The following CACNA1B variants were observed in gnomAD, a reference collection of about 807,000 sequenced individuals.
CACNA1B encodes the protein voltage-dependent N-type calcium channel subunit alpha-1B.
Under a neutral mutation model 247.2 loss-of-function variants are expected in CACNA1B, and 70 were observed. The ratio of observed to expected loss-of-function variants is 0.28; its 90% confidence interval spans 0.23 to 0.35. CACNA1B has a LOEUF of 0.35. CACNA1B is among the 10% of genes least tolerant of loss of function. The pLI, the probability that CACNA1B is intolerant of heterozygous loss-of-function variation, is 1.00. For synonymous variants in CACNA1B, 1,231 were observed against 1,294.4 expected (o/e 0.95, Z 1.05); for missense variants, 2,367 against 3,197.4 (o/e 0.74, Z 6.26).
At position 137,913,166 on chromosome 9, in the gene CACNA1B, C is replaced by T. The variant is rs1957376409; in HGVS notation, c.531-14C>T. 2.5e-6 allele frequency: 4 copies of T among 1,611,076 alleles called. No homozygotes were observed. Among genetic ancestry groups the T allele is most frequent in the Non-Finnish European group, 3.4e-6 (4 of 1,177,486 alleles). ...GGAAACCTTTACTTCCCTTCTTCTC[C>T]TTGTTTCTGCCAGGATCCTTGCCAC... On this transcript the variant is annotated splice_polypyrimidine_tract_variant and intron_variant, in intron 3 of 46. Transcript: ENST00000371372. The surrounding 1 kb of genome is among the most constrained non-coding windows in gnomAD (Gnocchi z 5.2).
chr9:138,023,410 C>A lies in CACNA1B; in HGVS notation c.2667C>A (p.His889Gln), dbSNP rs1435527311. The change falls in exon 19 of 47, where the codon CAC becomes CAA. Residue 889 changes from histidine (H) to glutamine (Q), a missense_variant. Physicochemically the swap from His to Gln is conservative, Grantham distance 24. Transcript: ENST00000371372. Reference sequence around the variant, plus strand: ...CCCGGGAGGAGCGGCCGCGGCCGCACCGCAGCCACAGCAAGGAGGCCGCGG... The same window carrying A: ...CCCGGGAGGAGCGGCCGCGGCCGCAACGCAGCCACAGCAAGGAGGCCGCGG... ...PGAREERPRP[H>Q]RSHSKEAAGP... 5.3e-6 allele frequency: 7 copies of A among 1,327,288 alleles called. No homozygotes were observed. The highest frequency in any genetic ancestry group is 4.1e-5 in the Admixed American group (1 of 24,454). The allele number at this position is 1,327,288 out of a possible 1,614,324, so 82.2% of individuals were successfully genotyped here. A position where few individuals can be genotyped will look rare whatever the true frequency, so the allele number is the denominator to read the frequency against.
chr9:138,039,358 T>G (rs1959088224), intron 20 of CACNA1B, among the ~76,000 whole-genome samples: 1 of 152,202 alleles, frequency 6.6e-6, no homozygotes, highest in South Asian at 2.1e-4. Flanking sequence ...GCTTATTCTG[T>G]TTTTTAAAAT....
intron 26 of CACNA1B, among the ~76,000 whole-genome samples, chr9:138,055,161 C>G (rs1180601031): frequency 6.7e-6 from 1 of 150,244 alleles, no homozygotes; most frequent in Non-Finnish European, 1.5e-5. Flanking sequence ...GGATCTCACA[C>G]TTTTGCCCAG....
intron 44 of CACNA1B, 95 bp from the exon 45 acceptor site, chr9:138,120,070 C>A: frequency 9.5e-7 from 1 of 1,055,708 alleles, no homozygotes. Context: ...GCGTGTGGGC[C>A]TGCTGTCTGG....
At position 138,100,296 on chromosome 9, in the gene CACNA1B, G is replaced by C. The variant is rs988262520; in HGVS notation, c.5223-2415G>C. ...TTTGAGAAAGGCATTGAAATTGGTT[G>C]AACAAGTCGCTTTGATTTTGCGTTG... On this transcript the variant is annotated intron_variant, in intron 37 of 46. Coordinates refer to ENST00000371372, the MANE Select transcript of CACNA1B (RefSeq NM_000718.4). This position sits in a 1 kb window ranked among gnomAD's most constrained non-coding sequence, Gnocchi z 4.6. Among the ~76,000 whole-genome samples, 1 of 152,188 alleles carries C rather than the reference G, an allele frequency of 6.6e-6. No individual in the cohort carries two copies. The highest frequency in any genetic ancestry group is 2.4e-5 in the African/African-American group (1 of 41,440).
chr9:138,011,910 CAG>C lies in CACNA1B; in HGVS notation c.2161-1218_2161-1217del, dbSNP rs1958728698. Among the ~76,000 whole-genome samples the C allele has an allele frequency of 6.6e-6, 1 of 152,202 alleles. No homozygotes were observed. The highest frequency in any genetic ancestry group is 1.5e-5 in the Non-Finnish European group (1 of 68,038). On this transcript the variant is annotated intron_variant, in intron 17 of 46. Coordinates refer to ENST00000371372, the MANE Select transcript of CACNA1B (RefSeq NM_000718.4). This position sits in a 1 kb window ranked among gnomAD's most constrained non-coding sequence, Gnocchi z 4.2. ...TCTGGGCTTCAGGATTTTGAGGAAA[CAG>C]TGGTGGCCCCAGCAGTCCAGATGGA... is the stretch of plus-strand genomic sequence containing the variant.
intron 10 of CACNA1B, among the ~76,000 whole-genome samples, chr9:137,959,103 G>A (rs183146645): frequency 1.3e-3 from 192 of 151,320 alleles, no homozygotes; most frequent in Non-Finnish European, 2.1e-3. Flanking sequence ...CAAAAATTTC[G>A]CTCTTGTTGC....
intron 36 of CACNA1B, among the ~76,000 whole-genome samples, chr9:138,079,666 C>T (rs190136985): frequency 6.8e-6 from 1 of 147,808 alleles, no homozygotes; most frequent in East Asian, 2.1e-4. Flanking sequence ...TCGCTTGAAC[C>T]TGGGAGGTGG....
rs1957938155 is a variant in CACNA1B at position 137,955,701 on chromosome 9, G to A, written c.1074G>A (p.Glu358=). The change falls in exon 8 of 47, where the codon GAG becomes GAA. Residue 358 remains glutamate, a synonymous_variant. Transcript: ENST00000371372. The surrounding 1 kb of genome is among the most constrained non-coding windows in gnomAD (Gnocchi z 6.9). ...TTTTCCGGCCCCTGCATGGTAGGGA[G>A]TTTGCCAAGGAGCGAGAGAGGGTGG... ...LNLVLGVLSG[E]FAKERERVEN... 1 of 1,610,604 alleles carries A rather than the reference G, an allele frequency of 6.2e-7. No homozygotes were observed. Among genetic ancestry groups the A allele is most frequent in the Middle Eastern group, 1.7e-4 (1 of 6,052 alleles).
chr9:137,944,340 C>T (rs193238412), intron 6 of CACNA1B, among the ~76,000 whole-genome samples: 231 of 152,256 alleles, frequency 1.5e-3, no homozygotes, highest in Middle Eastern at 3.4e-3. Flanking sequence ...TTCTTTCTTG[C>T]CCAGTGTAAC....
chr9:138,046,500 T>C (rs1468668902), intron 21 of CACNA1B, among the ~76,000 whole-genome samples: 1 of 152,226 alleles, frequency 6.6e-6, no homozygotes, highest in Non-Finnish European at 1.5e-5. Flanking sequence ...ACAGCTGACC[T>C]CTTCTGTGAA....
chr9:137,899,085 CTT>C lies in CACNA1B; in HGVS notation c.531-14093_531-14092del, dbSNP rs1957203660. Among the ~76,000 whole-genome samples, 1 of 151,352 alleles carries C rather than the reference CTT, an allele frequency of 6.6e-6. No homozygotes were observed. Among genetic ancestry groups the C allele is most frequent in the African/African-American group, 2.4e-5 (1 of 41,204 alleles). Reference sequence around the variant, plus strand: ...CCCTGCCTGGCCTTCTTTTTTCTCTCTTTCTTTCTTTTTTTTTTGTCAGTTGG... The same window carrying C: ...CCCTGCCTGGCCTTCTTTTTTCTCTCTCTTTCTTTTTTTTTTGTCAGTTGG... On this transcript the variant is annotated intron_variant, in intron 3 of 46. Transcript: ENST00000371372. The surrounding 1 kb of genome is among the most constrained non-coding windows in gnomAD (Gnocchi z 5.0).
At position 138,102,852 on chromosome 9, in the gene CACNA1B, C is replaced by A; in HGVS notation, c.5319+45C>A. 7.9e-7 allele frequency: 1 copy of A among 1,260,308 alleles called. No homozygotes were observed. Among genetic ancestry groups the A allele is most frequent in the Non-Finnish European group, 1.1e-6 (1 of 871,822 alleles). 78.1% of individuals were successfully genotyped at this position (1,260,308 alleles called of 1,614,324 possible). ...CCCGCCCCCCAGGAGGCTGTGTGTG[C>A]TTGCTGAGGGGTGCTTGCTGGCTCT... On this transcript the variant is annotated intron_variant, in intron 38 of 46. Coordinates refer to ENST00000371372, the MANE Select transcript of CACNA1B (RefSeq NM_000718.4). The surrounding 1 kb of genome is among the most constrained non-coding windows in gnomAD (Gnocchi z 5.4).
rs1465976579 is a variant in CACNA1B at position 137,882,353 on chromosome 9, A to C, written c.391-391A>C. On this transcript the variant is annotated intron_variant, in intron 2 of 46. Coordinates refer to ENST00000371372, the MANE Select transcript of CACNA1B (RefSeq NM_000718.4). The surrounding 1 kb of genome is among the most constrained non-coding windows in gnomAD (Gnocchi z 4.0). ...GTTGATAAAGGAAAAACTACCTGAT[A>C]AGCACCCACAACTAGTACTGTTACA... Among the ~76,000 whole-genome samples, 1 of 152,124 alleles carries C rather than the reference A, an allele frequency of 6.6e-6. No individual in the cohort carries two copies. The highest frequency in any genetic ancestry group is 1.5e-5 in the Non-Finnish European group (1 of 68,010).
At chr9:137,991,486 G>A (rs1394638550) in intron 15 of CACNA1B, among the ~76,000 whole-genome samples, 1 of 152,182 alleles carries the variant, frequency 6.6e-6, no homozygotes, top group African/African-American at 2.4e-5. Context: ...CTAAAAGTTA[G>A]GAAAACATAT....
In CACNA1B at chr9:137,880,862, G is replaced by A. The variant is rs899925559; in HGVS notation, c.390+1703G>A. Among the ~76,000 whole-genome samples the A allele has an allele frequency of 6.6e-6, 1 of 152,164 alleles. No individual in the cohort carries two copies. Among genetic ancestry groups the A allele is most frequent in the Non-Finnish European group, 1.5e-5 (1 of 68,002 alleles). ...TGTCTCCCAGCCTGGCCCTGGGCGAGGCCTCCCTGGTTCCCTGCCTCTCGG... is the reference window on the plus strand; with the variant it reads ...TGTCTCCCAGCCTGGCCCTGGGCGAAGCCTCCCTGGTTCCCTGCCTCTCGG... On this transcript the variant is annotated intron_variant, in intron 2 of 46. Coordinates refer to ENST00000371372, the MANE Select transcript of CACNA1B (RefSeq NM_000718.4). The surrounding 1 kb of genome is among the most constrained non-coding windows in gnomAD (Gnocchi z 4.8).
At chr9:138,083,340 A>AG (rs1960588483) in intron 36 of CACNA1B, among the ~76,000 whole-genome samples, 2 of 150,954 alleles carry the variant, frequency 1.3e-5, no homozygotes, top group Admixed American at 1.3e-4. Context: ...CCCTTCCCTG[A>AG]GGGGCCACGT....
chr9:137,960,851 A>T (rs1958013330), intron 10 of CACNA1B, among the ~76,000 whole-genome samples: 1 of 152,110 alleles, frequency 6.6e-6, no homozygotes, highest in Non-Finnish European at 1.5e-5. Flanking sequence ...TTTTCTCCAC[A>T]ACCTCTCCAT....
intron 20 of CACNA1B, among the ~76,000 whole-genome samples, chr9:138,028,404 CAGAT>C (rs1464074521): frequency 2.0e-5 from 3 of 152,246 alleles, no homozygotes; most frequent in Admixed American, 6.5e-5. Flanking sequence ...ATATAAAGCA[CAGAT>C]AAACAATGAA....
Sources: gnomAD v4.1 joint callset for allele counts (sites outside exome capture counted in the v4.1 genomes callset) on GRCh38, gnomAD v4.1.1 for gene constraint, Gnocchi (gnomAD v3.1) non-coding constraint, MANE v1.5 for transcripts, NCBI Gene and HGNC (gene_info 2026-07-23, HGNC 2026-07-21) for gene names.